The following TBC1D5 variants were observed in gnomAD, a reference collection of about 807,000 sequenced individuals.
TBC1D5 encodes TBC1 domain family member 5.
In TBC1D5, 75 loss-of-function variants were observed where a neutral mutation model predicts 100.3. The observed-to-expected ratio is 0.75, with a 90% CI of 0.62 to 0.91. The LOEUF (loss-of-function observed/expected upper bound fraction) is 0.91. Ranked by LOEUF, TBC1D5 falls within the 40% of genes least tolerant of loss-of-function variation. The pLI is 0.00. For missense variants in TBC1D5, 910 were observed against 942.4 expected (o/e 0.97, Z 0.45); for synonymous variants, 323 against 325.6 (o/e 0.99, Z 0.09).
intron 1 of TBC1D5, among the ~76,000 whole-genome samples, chr3:17,705,669 T>C (rs1214904462): frequency 7.8e-6 from 1 of 128,226 alleles, no homozygotes; most frequent in African/African-American, 3.0e-5. Flanking sequence ...GCAGAGACGC[T>C]CCTCACTTCC....
rs571436027 is a variant in TBC1D5, at chr3:17,533,802, T to G, written c.-35-25197A>C. On this transcript the variant is annotated intron_variant, in intron 2 of 21. Transcript: ENST00000253692. Reference sequence around the variant, plus strand: ...TTTTGCTTCTGAAATGATTTACTGATCAGACAAATCCGTAGCCCTAGGAAG... The same window carrying G: ...TTTTGCTTCTGAAATGATTTACTGAGCAGACAAATCCGTAGCCCTAGGAAG... 5.9e-5 allele frequency among the ~76,000 whole-genome samples: 9 copies of G among 152,268 alleles called. No homozygotes were observed. The East Asian group carries it at 1.7e-3, about 29-fold the overall frequency.
intron 4 of TBC1D5, among the ~76,000 whole-genome samples, chr3:17,410,283 C>T (rs1380604285): frequency 1.3e-5 from 2 of 152,074 alleles, no homozygotes; most frequent in African/African-American, 2.4e-5. Flanking sequence ...TTTTTGGAAA[C>T]TATTGCTCAG....
At chr3:17,576,786 G>T (rs1046243880) in intron 2 of TBC1D5, among the ~76,000 whole-genome samples, 1 of 151,908 alleles carries the variant, frequency 6.6e-6, no homozygotes, top group African/African-American at 2.4e-5. Context: ...TTCCACTACA[G>T]AAATTTCAAA....
chr3:17,650,070 A>G (rs1166631671), intron 1 of TBC1D5, among the ~76,000 whole-genome samples: 1 of 151,992 alleles, frequency 6.6e-6, no homozygotes, highest in African/African-American at 2.4e-5. Flanking sequence ...ACATGTTCTC[A>G]CTCATAAGTG....
In TBC1D5 at chr3:17,261,473, G is replaced by A. The variant is rs560551552; in HGVS notation, c.1246-2882C>T. Among the ~76,000 whole-genome samples the A allele has an allele frequency of 1.3e-3, 193 of 150,576 alleles. 1 individual carries two copies. Among genetic ancestry groups the A allele is most frequent in the African/African-American group, 4.6e-3 (187 of 40,972 alleles). On this transcript the variant is annotated intron_variant, in intron 15 of 21. Coordinates refer to ENST00000253692, the Ensembl canonical transcript of TBC1D5. ...GAGATACTTGCTCCTTTTTTGGGGGGTGGGGTGGGGTGGGGGGGGAGACAG... is the reference window on the plus strand; with the variant it reads ...GAGATACTTGCTCCTTTTTTGGGGGATGGGGTGGGGTGGGGGGGGAGACAG...
Position 17,214,191 on chromosome 3 carries a change from G to C in TBC1D5, c.1752+16C>G. On this transcript the variant is annotated intron_variant, in intron 18 of 21. Coordinates refer to ENST00000253692, the Ensembl canonical transcript of TBC1D5. ...GAAAATGAAGAACGAAGAGAAAACTGTCCTTAAATACTTACAGATTCTTTT... is the reference window on the plus strand; with the variant it reads ...GAAAATGAAGAACGAAGAGAAAACTCTCCTTAAATACTTACAGATTCTTTT... 1 of 1,600,098 alleles carries C rather than the reference G, an allele frequency of 6.2e-7. No individual in the cohort carries two copies. The highest frequency in any genetic ancestry group is 8.5e-7 in the Non-Finnish European group (1 of 1,174,192).
intron 9 of TBC1D5, among the ~76,000 whole-genome samples, chr3:17,380,223 T>C (rs2092891636): frequency 6.6e-6 from 1 of 152,046 alleles, no homozygotes; most frequent in Non-Finnish European, 1.5e-5. Context: ...GAAAAAAGAA[T>C]AGCATTAAAT....
intron 1 of TBC1D5, among the ~76,000 whole-genome samples, chr3:17,692,087 A>T (rs962140567): frequency 6.6e-6 from 1 of 151,172 alleles, no homozygotes; most frequent in African/African-American, 2.5e-5. Flanking sequence ...AATAAAAAAC[A>T]TAAGTACTTT....
At chr3:17,634,970 G>C (rs117476640) in intron 1 of TBC1D5, among the ~76,000 whole-genome samples, 2,514 of 151,588 alleles carry the variant, frequency 0.017, 52 homozygotes, top group South Asian at 0.048. Context: ...GATACTTGTA[G>C]ATTATATGCT....
At chr3:17,741,710 G>A (rs1269288002), upstream of TBC1D5, among the ~76,000 whole-genome samples, 1 of 151,458 alleles carries the variant, frequency 6.6e-6, no homozygotes. Context: ...ACAAATTCTA[G>A]GTCACTTGTA....
intron 15 of TBC1D5, among the ~76,000 whole-genome samples, chr3:17,285,842 T>C (rs191112695): frequency 9.3e-4 from 142 of 152,304 alleles, no homozygotes; most frequent in African/African-American, 3.3e-3. Flanking sequence ...AAATTTAATA[T>C]AACCTCAAGC....
intron 3 of TBC1D5, among the ~76,000 whole-genome samples, chr3:17,503,603 T>C (rs2095810143): frequency 6.7e-6 from 1 of 149,774 alleles, no homozygotes; most frequent in Non-Finnish European, 1.5e-5. Flanking sequence ...TTACTGGTTC[T>C]ATCATATTTC....
chr3:17,340,530 T>A (rs1041716989), intron 13 of TBC1D5: 3 of 152,186 alleles, frequency 2.0e-5, no homozygotes, highest in African/African-American at 7.2e-5. Flanking sequence ...CTGTACTATA[T>A]CAATACCTGA....
intron 19 of TBC1D5, among the ~76,000 whole-genome samples, chr3:17,176,751 T>C (rs2067786748): frequency 6.6e-6 from 1 of 151,876 alleles, no homozygotes. Flanking sequence ...TATACCTATG[T>C]AACAAACCTG....
intron 21 of TBC1D5, among the ~76,000 whole-genome samples, chr3:17,162,396 G>A (rs1167415958): frequency 6.6e-6 from 1 of 152,224 alleles, no homozygotes; most frequent in Non-Finnish European, 1.5e-5. Flanking sequence ...TGTCTGATAG[G>A]CCCCTCTCTA....
At chr3:17,623,193 T>C (rs1360894428) in intron 2 of TBC1D5, among the ~76,000 whole-genome samples, 1 of 152,226 alleles carries the variant, frequency 6.6e-6, no homozygotes, top group Non-Finnish European at 1.5e-5. Context: ...GAAATTTTGA[T>C]GAAACACAGA....
At chr3:17,714,834 A>G (rs1256488659) in intron 1 of TBC1D5, among the ~76,000 whole-genome samples, 1 of 152,110 alleles carries the variant, frequency 6.6e-6, no homozygotes, top group East Asian at 1.9e-4. Context: ...TTACAACCTG[A>G]CTCAAGAAGA....
At chr3:17,523,846 T>A (rs914642689) in intron 2 of TBC1D5, among the ~76,000 whole-genome samples, 2 of 152,134 alleles carry the variant, frequency 1.3e-5, no homozygotes, top group Non-Finnish European at 2.9e-5. Flanking sequence ...TACAATAGTT[T>A]ATGGTCCTCA....
intron 19 of TBC1D5, among the ~76,000 whole-genome samples, chr3:17,174,297 A>G (rs1160939260): frequency 1.3e-5 from 2 of 152,232 alleles, no homozygotes; most frequent in South Asian, 2.1e-4. Flanking sequence ...CAGGTTCTAA[A>G]TATGGTGCTC....
Sources: allele counts gnomAD v4.1 joint callset (sites outside exome capture counted in the v4.1 genomes callset), GRCh38; gene constraint gnomAD v4.1.1; transcripts MANE v1.5; gene names NCBI Gene and HGNC (gene_info 2026-07-23, HGNC 2026-07-21).